The following CCDC190 variants were observed in gnomAD, a reference collection of about 807,000 sequenced individuals.
CCDC190 encodes the protein coiled-coil domain-containing protein 190.
In CCDC190, 10 loss-of-function variants were observed where a neutral mutation model predicts 13.1. The ratio of observed to expected loss-of-function variants is 0.77; its 90% CI spans 0.47 to 1.30. The LOEUF is 1.30. Ranked by LOEUF, CCDC190 falls within the 50% of genes most tolerant of loss-of-function variation. CCDC190 has a pLI of 0.00. For missense variants in CCDC190, 375 were observed against 354.3 expected (o/e 1.06, Z -0.47); for synonymous variants, 136 against 127.2 (o/e 1.07, Z -0.47).
In CCDC190 at chr1:162,859,557, T is replaced by A; in HGVS notation, c.90A>T (p.Gln30His). The A allele has an allele frequency of 6.2e-7, 1 of 1,613,940 alleles. No individual in the cohort carries two copies. The highest frequency in any genetic ancestry group is 1.1e-5 in the South Asian group (1 of 91,066). The change falls in exon 2 of 4, where the codon CAA becomes CAT. Residue 30 changes from glutamine (Q) to histidine (H), a missense_variant. By Grantham distance (24) the Gln-to-His change is conservative. Transcript: ENST00000367912. ...AAATAACCTTTAGTCTCTGCAGTCT[T>A]TGGTCCAGTCTGGCTTCAGCCTGCT... is the stretch of plus-strand genomic sequence containing the variant. ...NAKQAEARLD[Q>H]RLQRLKVICL...
chr1:162,866,483 TG>T (rs34937013), intron 1 of CCDC190, among the ~76,000 whole-genome samples: 1 of 151,964 alleles, frequency 6.6e-6, no homozygotes, highest in Non-Finnish European at 1.5e-5. Flanking sequence ...ATCATGTTTA[TG>T]GCTAGAATCC....
chr1:162,861,990 G>A (rs531144265), upstream of CCDC190, among the ~76,000 whole-genome samples: 131 of 152,196 alleles, frequency 8.6e-4, 1 homozygote, highest in African/African-American at 3.0e-3. Context: ...AGGAAGAGGA[G>A]CATGCTATTT....
In CCDC190 at chr1:162,855,151, T is replaced by A; in HGVS notation, c.520A>T (p.Ile174Phe). The change falls in exon 4 of 4, where the codon ATC becomes TTC. Residue 174 changes from isoleucine to phenylalanine, a missense_variant. Ile to Phe is a conservative substitution (Grantham distance 21). Coordinates refer to ENST00000367912, the MANE Select transcript of CCDC190 (RefSeq NM_001394065.1). ...TCTTGATTTTGGCATGGAACAGAGA[T>A]GCCCTTGCTGGGGTCTACGTCCTTA... is the stretch of plus-strand genomic sequence containing the variant. ...PSKDVDPSKG[I>F]SVPCQNQEVS... is the part of the protein sequence containing the mutation. 2 of 1,613,982 alleles carry A rather than the reference T, an allele frequency of 1.2e-6. No individual in the cohort carries two copies. Among genetic ancestry groups the A allele is most frequent in the Non-Finnish European group, 8.5e-7 (1 of 1,179,874 alleles).
chr1:162,854,367 C>T lies in CCDC190; in HGVS notation c.*398G>A. On this transcript the variant is annotated 3_prime_UTR_variant, in exon 4 of 4. Coordinates refer to ENST00000367912, the MANE Select transcript of CCDC190 (RefSeq NM_001394065.1). The stretch of plus-strand genomic sequence containing the variant: ...ATTTACAATCACATTCCTATTCCTA[C>T]CACTACTATATATCAAACTAAAACA... 1 of 1,003,470 alleles carries T rather than the reference C, an allele frequency of 1.0e-6. No individual in the cohort carries two copies. The highest frequency in any genetic ancestry group is 1.2e-6 in the Non-Finnish European group (1 of 840,328). 62.2% of individuals were successfully genotyped at this position (1,003,470 alleles called of 1,614,324 possible).
rs1490826552 is a variant in CCDC190, at chr1:162,852,695, A to G, written c.*2070T>C. 1 of 164,302 alleles carries G rather than the reference A, an allele frequency of 6.1e-6. No homozygotes were observed. Among genetic ancestry groups the G allele is most frequent in the Non-Finnish European group, 1.3e-5 (1 of 75,856 alleles). 10.2% of individuals were successfully genotyped at this position (164,302 alleles called of 1,614,324 possible). A position where few individuals can be genotyped will look rare whatever the true frequency, so the allele number is the denominator to read the frequency against. ...CACAAGCAAGATAGCAAGGAGGAAC[A>G]TGCAGAATGTTCACTTCTGTAGATG... On this transcript the variant is annotated 3_prime_UTR_variant, in exon 4 of 4. Transcript: ENST00000367912.
chr1:162,867,170 C>T (rs1182546737), intron 1 of CCDC190, among the ~76,000 whole-genome samples: 1 of 151,876 alleles, frequency 6.6e-6, no homozygotes, highest in Non-Finnish European at 1.5e-5. Flanking sequence ...CAAGCAAGAA[C>T]CTGTTGGAAT....
chr1:162,862,096 A>G (rs550728502), upstream of CCDC190, among the ~76,000 whole-genome samples: 5 of 152,256 alleles, frequency 3.3e-5, no homozygotes, highest in East Asian at 9.6e-4. Context: ...CAAGAAAATT[A>G]TCTGGGAGAA....
At chr1:162,859,350 G>T in intron 2 of CCDC190, 110 bp downstream of exon 2, 3 of 979,688 alleles carry the variant, frequency 3.1e-6, no homozygotes, top group Non-Finnish European at 4.4e-6. Context: ...GTGATCAAAA[G>T]CTCTTGCTGT....
rs1297598732 is a variant in CCDC190 at position 162,854,300 on chromosome 1, G to A, written c.*465C>T. ...CTTCCAAAGAGAGCACGTGGGTGTGGTTAAAGAGCAGATTTTCTTTATAGA... is the reference window on the plus strand; with the variant it reads ...CTTCCAAAGAGAGCACGTGGGTGTGATTAAAGAGCAGATTTTCTTTATAGA... On this transcript the variant is annotated 3_prime_UTR_variant, in exon 4 of 4. Coordinates refer to ENST00000367912, the MANE Select transcript of CCDC190 (RefSeq NM_001394065.1). The A allele has an allele frequency of 1.6e-5, 16 of 986,694 alleles. No individual in the cohort carries two copies. The highest frequency in any genetic ancestry group is 1.7e-5 in the Non-Finnish European group (14 of 830,884). The allele number at this position is 986,694 out of a possible 1,614,324, so 61.1% of individuals were successfully genotyped here. A position where few individuals can be genotyped will look rare whatever the true frequency, so the allele number is the denominator to read the frequency against.
intron 1 of CCDC190, among the ~76,000 whole-genome samples, chr1:162,868,195 ATG>A (rs1336248229): frequency 6.6e-6 from 1 of 152,216 alleles, no homozygotes; most frequent in Non-Finnish European, 1.5e-5. Context: ...GCAGAAAGAA[ATG>A]TTTCTAGATG....
chr1:162,859,989 T>A (rs1351962628), intron 1 of CCDC190, among the ~76,000 whole-genome samples: 1 of 149,754 alleles, frequency 6.7e-6, no homozygotes, highest in Non-Finnish European at 1.5e-5. Context: ...GCAGTCTACA[T>A]ATATAAGGCA....
intron 2 of CCDC190, among the ~76,000 whole-genome samples, chr1:162,856,357 T>C (rs1650302279): frequency 6.6e-6 from 1 of 152,182 alleles, no homozygotes; most frequent in Non-Finnish European, 1.5e-5. Context: ...TTAGAAACAC[T>C]AAGATCAGAG....
intron 2 of CCDC190, among the ~76,000 whole-genome samples, chr1:162,858,994 CTTTCT>C (rs1241263843): frequency 1.3e-5 from 2 of 152,086 alleles, no homozygotes; most frequent in Admixed American, 6.5e-5. Context: ...GAAATTTTTT[CTTTCT>C]TTTCTTTTTC....
rs1178820447 is a variant in CCDC190, at chr1:162,853,067, G to C, written c.*1698C>G. On this transcript the variant is annotated 3_prime_UTR_variant, in exon 4 of 4. Transcript: ENST00000367912. ...CACTTATGGCCTGCCTTCCTCTGTT[G>C]CTTTGCTTCATGGAAGAAAGTGTTG... 1 of 1,491,860 alleles carries C rather than the reference G, an allele frequency of 6.7e-7. No individual in the cohort carries two copies. The highest frequency in any genetic ancestry group is 1.2e-5 in the South Asian group (1 of 82,780). The allele number at this position is 1,491,860 out of a possible 1,614,324, so 92.4% of individuals were successfully genotyped here. A position where few individuals can be genotyped will look rare whatever the true frequency, so the allele number is the denominator to read the frequency against.
chr1:162,855,134 T>C lies in CCDC190; in HGVS notation c.537A>G (p.Gln179=). The part of the protein sequence containing the change: ...DPSKGISVPC[Q]NQEVSTNTIE... ...TGGTGTTGGTGGAAACCTCTTGATT[T>C]TGGCATGGAACAGAGATGCCCTTGC... The change falls in exon 4 of 4, where the codon CAA becomes CAG. Residue 179 remains glutamine, a synonymous_variant. Coordinates refer to ENST00000367912, the MANE Select transcript of CCDC190 (RefSeq NM_001394065.1). 6.2e-7 allele frequency: 1 copy of C among 1,613,930 alleles called. No individual in the cohort carries two copies. Among genetic ancestry groups the C allele is most frequent in the African/African-American group, 1.3e-5 (1 of 75,032 alleles).
Position 162,854,878 on chromosome 1 carries a change from CAG to C in CCDC190, c.791_792del (p.Pro264ArgfsTer3). ...CCAATGCTAAGCAACCTCTCAGACT[CAG>C]GGGGGACCCTGTGCCGGAGATAATG... ...NAHYLRHRVP[P>X]ESERLLSIGE... On this transcript the variant is annotated frameshift_variant, in exon 4 of 4. Coordinates refer to ENST00000367912, the MANE Select transcript of CCDC190 (RefSeq NM_001394065.1). LOFTEE classifies it low-confidence loss of function (END_TRUNC). The C allele has an allele frequency of 6.8e-6, 11 of 1,614,052 alleles. No individual in the cohort carries two copies. The highest frequency in any genetic ancestry group is 9.3e-6 in the Non-Finnish European group (11 of 1,179,890).
chr1:162,859,555 CT>C lies in CCDC190; in HGVS notation c.91del (p.Arg31AspfsTer5). The C allele has an allele frequency of 6.2e-7, 1 of 1,613,920 alleles. No homozygotes were observed. The highest frequency in any genetic ancestry group is 8.5e-7 in the Non-Finnish European group (1 of 1,179,868). On this transcript the variant is annotated frameshift_variant, in exon 2 of 4. Transcript: ENST00000367912. LOFTEE classifies it high-confidence loss of function. ...AKQAEARLDQ[R>X]LQRLKVICLY... The stretch of plus-strand genomic sequence containing the variant: ...GCAAATAACCTTTAGTCTCTGCAGT[CT>C]TTGGTCCAGTCTGGCTTCAGCCTGC...
In CCDC190 at chr1:162,855,356, T is replaced by G. The variant is rs1429116582; in HGVS notation, c.315A>C (p.Ala105=). Reference sequence around the variant, plus strand: ...TGTCTTGGGCCATACGGGTTGCCAATGCTCTGAGAAAGGACATAAAAGAAA... The same window carrying G: ...TGTCTTGGGCCATACGGGTTGCCAAGGCTCTGAGAAAGGACATAAAAGAAA... ...HRAPQAKKMR[A]LATRMAQDTC... is the part of the protein sequence containing the mutation. The change falls in exon 4 of 4, where the codon GCA becomes GCC. Residue 105 remains alanine, a synonymous_variant. Transcript: ENST00000367912. 4 of 1,596,370 alleles carry G rather than the reference T, an allele frequency of 2.5e-6. No homozygotes were observed. In the Admixed American group the frequency reaches 7.1e-5, roughly 28 times the overall value.
upstream of CCDC190, among the ~76,000 whole-genome samples, chr1:162,862,689 A>G (rs1650562604): frequency 6.6e-6 from 1 of 152,240 alleles, no homozygotes; most frequent in Admixed American, 6.5e-5. Context: ...GGAAAATACC[A>G]GTCATGCCTT....
Sources: allele counts gnomAD v4.1 joint callset (sites outside exome capture counted in the v4.1 genomes callset), GRCh38; gene constraint gnomAD v4.1.1; transcripts MANE v1.5; gene names NCBI Gene and HGNC (gene_info 2026-07-23, HGNC 2026-07-21).